PRKG1: variants seen among roughly 807,000 people sequenced by gnomAD.
The protein encoded by PRKG1 is protein kinase cGMP-dependent 1, also known as cGMP-dependent protein kinase 1.
In PRKG1, 35 loss-of-function variants were observed where a neutral mutation model predicts 88.1. The observed-to-expected ratio is 0.40, with a 90% CI of 0.30 to 0.53. PRKG1 has a LOEUF of 0.53. PRKG1 is among the 20% of genes least tolerant of loss of function. The pLI is 0.59. For missense variants in PRKG1, 540 were observed against 839.8 expected, an observed-to-expected ratio of 0.64 and a Z score of 4.41; for synonymous variants, 303 against 292.5, an observed-to-expected ratio of 1.04 and a Z score of -0.37.
chr10:51,541,177 A>C (rs1842291898), intron 3 of PRKG1, among the ~76,000 whole-genome samples: 1 of 152,140 alleles, frequency 6.6e-6, no homozygotes. Flanking sequence ...ATCATCAGGC[A>C]TTAGTTGGTC....
chr10:51,879,282 T>C lies in PRKG1; in HGVS notation c.699-28225T>C, dbSNP rs369103781. Among the ~76,000 whole-genome samples, 11 of 152,350 alleles carry C rather than the reference T, an allele frequency of 7.2e-5. No homozygotes were observed. The South Asian group carries it at 8.3e-4, about 11-fold the overall frequency. ...TTGCTTTCACTTTGCTATGTAACTG[T>C]GCTGTTAGTCTTAAGATGAACTGGG... On this transcript the variant is annotated intron_variant, in intron 4 of 17. Transcript: ENST00000373980.
intron 2 of PRKG1, among the ~76,000 whole-genome samples, chr10:51,448,243 GTT>G (rs1031977355): frequency 6.6e-6 from 1 of 151,796 alleles, no homozygotes; most frequent in African/African-American, 2.4e-5. Context: ...GCAAGACCCT[GTT>G]TCAAGAAAAA....
intron 5 of PRKG1, among the ~76,000 whole-genome samples, chr10:52,036,545 A>T (rs1453797623): frequency 1.3e-5 from 2 of 151,930 alleles, no homozygotes; most frequent in African/African-American, 2.4e-5. Flanking sequence ...ATTAGGTTTT[A>T]ATGAGATGGT....
intron 8 of PRKG1, among the ~76,000 whole-genome samples, chr10:52,134,863 A>G (rs1837362844): frequency 6.6e-6 from 1 of 152,104 alleles, no homozygotes; most frequent in African/African-American, 2.4e-5. Flanking sequence ...CACTAGAACC[A>G]GAGCAGAGAC....
At chr10:51,989,669 A>C (rs979436493) in intron 5 of PRKG1, among the ~76,000 whole-genome samples, 1 of 152,156 alleles carries the variant, frequency 6.6e-6, no homozygotes. Flanking sequence ...AATGCCTCAT[A>C]GTTCATTGAG....
chr10:52,113,155 T>G (rs1847605612), intron 7 of PRKG1, among the ~76,000 whole-genome samples: 2 of 152,210 alleles, frequency 1.3e-5, no homozygotes, highest in South Asian at 4.1e-4. Context: ...TGGCACATGG[T>G]GATCACTCAG....
At chr10:52,077,478 AC>A (rs1846659946) in intron 7 of PRKG1, among the ~76,000 whole-genome samples, 1 of 152,210 alleles carries the variant, frequency 6.6e-6, no homozygotes, top group South Asian at 2.1e-4. Flanking sequence ...ATAAAGGGAT[AC>A]TAATAAACCT....
chr10:51,854,104 A>T (rs1840622323), intron 4 of PRKG1, among the ~76,000 whole-genome samples: 1 of 152,078 alleles, frequency 6.6e-6, no homozygotes, highest in Non-Finnish European at 1.5e-5. Flanking sequence ...TGGGGAGCAA[A>T]ATTGATGAGT....
At chr10:51,617,818 T>C (rs1345832514) in intron 3 of PRKG1, among the ~76,000 whole-genome samples, 5 of 152,204 alleles carry the variant, frequency 3.3e-5, no homozygotes, top group African/African-American at 1.2e-4. Context: ...AGTCCCTGTT[T>C]CTCTGTATCC....
At chr10:51,116,847 A>G (rs951051404) in intron 1 of PRKG1, among the ~76,000 whole-genome samples, 2 of 152,188 alleles carry the variant, frequency 1.3e-5, no homozygotes, top group Non-Finnish European at 2.9e-5. Flanking sequence ...TGGCATTGCT[A>G]TCAGAGGAAG....
At chr10:51,711,251 G>A (rs866781497) in intron 3 of PRKG1, among the ~76,000 whole-genome samples, 5 of 151,890 alleles carry the variant, frequency 3.3e-5, no homozygotes, top group African/African-American at 7.3e-5. Context: ...GACTACAGGC[G>A]CCCGCCACCA....
intron 2 of PRKG1, among the ~76,000 whole-genome samples, chr10:51,321,667 A>G (rs911308772): frequency 3.9e-5 from 6 of 152,180 alleles, no homozygotes; most frequent in African/African-American, 7.2e-5. Context: ...ATAGTTAGAA[A>G]GAATAAATAA....
intron 2 of PRKG1, among the ~76,000 whole-genome samples, chr10:51,384,773 A>G (rs912878055): frequency 1.3e-5 from 2 of 152,116 alleles, no homozygotes; most frequent in Non-Finnish European, 2.9e-5. Flanking sequence ...CTTTGAGGGC[A>G]ATGGTCATAA....
intron 3 of PRKG1, among the ~76,000 whole-genome samples, chr10:51,724,964 C>T (rs2132458666): frequency 6.7e-6 from 1 of 149,520 alleles, no homozygotes; most frequent in South Asian, 2.1e-4. Context: ...CCTGCCTTGG[C>T]CTCCCAAACT....
chr10:51,817,355 C>CT (rs895361364), intron 4 of PRKG1, among the ~76,000 whole-genome samples: 1 of 148,776 alleles, frequency 6.7e-6, no homozygotes, highest in East Asian at 2.0e-4. Flanking sequence ...CAACCCCCCC[C>CT]CTCCCCTGAC....
At chr10:52,037,651 C>T (rs1845651908) in intron 5 of PRKG1, among the ~76,000 whole-genome samples, 1 of 152,098 alleles carries the variant, frequency 6.6e-6, no homozygotes, top group African/African-American at 2.4e-5. Flanking sequence ...CCTTTGGCTC[C>T]AGCCACCTTT....
At chr10:52,286,577 TA>T (rs1842121219) in intron 14 of PRKG1, among the ~76,000 whole-genome samples, 1 of 152,038 alleles carries the variant, frequency 6.6e-6, no homozygotes, top group Non-Finnish European at 1.5e-5. Context: ...TTGGCAATCT[TA>T]AAATAACACT....
At chr10:51,125,732 A>G (rs898022606) in intron 1 of PRKG1, among the ~76,000 whole-genome samples, 1 of 146,632 alleles carries the variant, frequency 6.8e-6, no homozygotes, top group Non-Finnish European at 1.5e-5. Flanking sequence ...AATATAAATT[A>G]TGTGTTTTTA....
intron 4 of PRKG1, among the ~76,000 whole-genome samples, chr10:51,825,522 G>GC (rs1269343804): frequency 6.6e-6 from 1 of 152,078 alleles, no homozygotes; most frequent in Non-Finnish European, 1.5e-5. Flanking sequence ...CACACCCTGA[G>GC]CAACAGTACA....
Sources: gnomAD v4.1 joint callset for allele counts (sites outside exome capture counted in the v4.1 genomes callset) on GRCh38, gnomAD v4.1.1 for gene constraint, MANE v1.5 for transcripts, NCBI Gene and HGNC (gene_info 2026-07-23, HGNC 2026-07-21) for gene names.